MSRA: variants seen among roughly 807,000 people sequenced by gnomAD.
MSRA encodes the protein mitochondrial peptide methionine sulfoxide reductase.
A neutral mutation model predicts 31.3 loss-of-function variants in MSRA; 54 were observed. That is an observed-to-expected ratio of 1.73 (90% CI 1.39 to 2.17). The LOEUF (loss-of-function observed/expected upper bound fraction) is 2.17. Among genes scored for constraint, MSRA ranks in the 30% most tolerant of loss-of-function variants. MSRA has a pLI of 0.00. For missense variants in MSRA, 507 were observed against 300.9 expected (o/e 1.69, Z -5.07); for synonymous variants, 169 against 116.5 (o/e 1.45, Z -2.90).
chr8:10,085,706 C>A (rs1054803300), intron 1 of MSRA, among the ~76,000 whole-genome samples: 5 of 152,236 alleles, frequency 3.3e-5, no homozygotes, highest in African/African-American at 1.2e-4. Context: ...TTTTAGAACA[C>A]TGTCATCACC....
intron 1 of MSRA, among the ~76,000 whole-genome samples, chr8:10,099,737 T>A (rs1177029251): frequency 6.6e-6 from 1 of 152,230 alleles, no homozygotes; most frequent in Non-Finnish European, 1.5e-5. Flanking sequence ...ACATTATTTG[T>A]GACCACATTA....
chr8:10,115,071 C>G (rs1351750465), intron 1 of MSRA, among the ~76,000 whole-genome samples: 1 of 152,118 alleles, frequency 6.6e-6, no homozygotes, highest in Non-Finnish European at 1.5e-5. Flanking sequence ...AGAGAAGTCC[C>G]AGGTTAACAT....
At chr8:10,240,627 G>C (rs949522905) in intron 2 of MSRA, among the ~76,000 whole-genome samples, 3 of 152,124 alleles carry the variant, frequency 2.0e-5, no homozygotes, top group Non-Finnish European at 2.9e-5. Flanking sequence ...TCTGGCCTCT[G>C]ACTAGGCAGC....
At chr8:10,228,599 A>G (rs1438452682) in intron 2 of MSRA, among the ~76,000 whole-genome samples, 2 of 152,208 alleles carry the variant, frequency 1.3e-5, no homozygotes, top group African/African-American at 4.8e-5. Flanking sequence ...GTAGTGGTCC[A>G]CAGAGACCAG....
intron 1 of MSRA, among the ~76,000 whole-genome samples, chr8:10,179,134 G>A (rs1806321398): frequency 6.6e-6 from 1 of 152,136 alleles, no homozygotes; most frequent in African/African-American, 2.4e-5. Context: ...CTGTGTCATG[G>A]CATCCCACAG....
intron 1 of MSRA, among the ~76,000 whole-genome samples, chr8:10,202,641 G>C (rs1172559196): frequency 6.6e-6 from 1 of 152,222 alleles, no homozygotes; most frequent in African/African-American, 2.4e-5. Context: ...TCTGCCATGG[G>C]CATGGTCGTG....
intron 2 of MSRA, among the ~76,000 whole-genome samples, chr8:10,232,269 C>T (rs995981748): frequency 6.6e-6 from 1 of 152,224 alleles, no homozygotes; most frequent in Non-Finnish European, 1.5e-5. Flanking sequence ...TGTTGGTTTC[C>T]ACTCTGACAA....
chr8:10,296,055 C>T lies in MSRA; in HGVS notation c.332-5479C>T, dbSNP rs137885094. On this transcript the variant is annotated intron_variant, in intron 3 of 5. Transcript: ENST00000317173. Reference sequence around the variant, plus strand: ...GACTGGGTAATCGCTTTGAGAAATGCGATTTTTCCCTTTTGCCACTTCATC... The same window carrying T: ...GACTGGGTAATCGCTTTGAGAAATGTGATTTTTCCCTTTTGCCACTTCATC... 7.4e-4 allele frequency among the ~76,000 whole-genome samples: 112 copies of T among 152,240 alleles called. 1 individual carries two copies. Among genetic ancestry groups the T allele is most frequent in the Non-Finnish European group, 1.1e-3 (74 of 68,018 alleles).
chr8:10,292,628 G>A (rs778893490), intron 3 of MSRA, among the ~76,000 whole-genome samples: 4 of 152,214 alleles, frequency 2.6e-5, no homozygotes, highest in African/African-American at 4.8e-5. Flanking sequence ...CCACAGAATC[G>A]CAGTGGCCGG....
intron 5 of MSRA, among the ~76,000 whole-genome samples, chr8:10,324,341 C>T (rs1802237057): frequency 6.6e-6 from 1 of 152,158 alleles, no homozygotes; most frequent in Non-Finnish European, 1.5e-5. Flanking sequence ...TTTGCATGCC[C>T]ATGTGCATTG....
chr8:10,276,136 C>A (rs1295070273), intron 3 of MSRA, among the ~76,000 whole-genome samples: 2 of 152,158 alleles, frequency 1.3e-5, no homozygotes, highest in Non-Finnish European at 2.9e-5. Flanking sequence ...GTAGGGTGAC[C>A]TCCGTGGTGG....
chr8:10,087,517 C>T (rs1228185106), intron 1 of MSRA, among the ~76,000 whole-genome samples: 1 of 152,176 alleles, frequency 6.6e-6, no homozygotes, highest in East Asian at 1.9e-4. Context: ...GATCTGTGCT[C>T]TTTGGAGTTT....
intron 5 of MSRA, among the ~76,000 whole-genome samples, chr8:10,419,340 C>T (rs953331108): frequency 6.6e-5 from 10 of 151,316 alleles, no homozygotes; most frequent in Non-Finnish European, 1.3e-4. Flanking sequence ...CTACCCCTCA[C>T]CCTTGTGAAT....
intron 3 of MSRA, among the ~76,000 whole-genome samples, chr8:10,253,820 C>A (rs1046184767): frequency 6.6e-6 from 1 of 151,920 alleles, no homozygotes; most frequent in Non-Finnish European, 1.5e-5. Flanking sequence ...TAATGACTGA[C>A]AATTTTTAGA....
At chr8:10,384,749 T>G (rs1010530964) in intron 5 of MSRA, among the ~76,000 whole-genome samples, 32 of 152,184 alleles carry the variant, frequency 2.1e-4, no homozygotes, top group African/African-American at 6.8e-4. Context: ...GGTTCATGCC[T>G]GAAATCCTAG....
intron 3 of MSRA, among the ~76,000 whole-genome samples, chr8:10,248,725 C>T (rs1267313022): frequency 2.0e-5 from 3 of 152,214 alleles, no homozygotes; most frequent in Admixed American, 1.3e-4. Context: ...CATGGCTTCT[C>T]ATAGTAGCTG....
chr8:10,079,781 A>C (rs1489822709), intron 1 of MSRA, among the ~76,000 whole-genome samples: 1 of 152,202 alleles, frequency 6.6e-6, no homozygotes, highest in Non-Finnish European at 1.5e-5. Context: ...ATCAGAGCCA[A>C]GGTGAGAAGC....
At chr8:10,403,977 G>A (rs746009981) in intron 5 of MSRA, among the ~76,000 whole-genome samples, 3 of 152,208 alleles carry the variant, frequency 2.0e-5, no homozygotes, top group Non-Finnish European at 4.4e-5. Context: ...TGACAATGAC[G>A]TAATTAAAAT....
rs377248692 is a variant in MSRA, at chr8:10,332,308, T to C, written c.543+12319T>C. On this transcript the variant is annotated intron_variant, in intron 5 of 5. Transcript: ENST00000317173. ...ACATGGGTAAATGTCAGTTGATATG[T>C]TATGGTTTGGGGATTACATAGCTCT... 9.8e-5 allele frequency among the ~76,000 whole-genome samples: 15 copies of C among 152,342 alleles called. 1 individual carries two copies. The highest frequency in any genetic ancestry group is 3.6e-4 in the African/African-American group (15 of 41,574).
Sources: gnomAD v4.1 joint callset for allele counts (sites outside exome capture counted in the v4.1 genomes callset) on GRCh38, gnomAD v4.1.1 for gene constraint, MANE v1.5 for transcripts, NCBI Gene and HGNC (gene_info 2026-07-23, HGNC 2026-07-21) for gene names.